Variants in KIAA1217 observed in about 807,000 individuals in gnomAD.
KIAA1217 encodes the protein sickle tail protein homolog.
Under a neutral mutation model 163.9 loss-of-function variants are expected in KIAA1217, and 88 were observed. The observed-to-expected ratio is 0.54, with a 90% CI of 0.45 to 0.64. The LOEUF (loss-of-function observed/expected upper bound fraction) is 0.64, where lower values mean the gene tolerates loss of function less well. Ranked by LOEUF, KIAA1217 falls within the 30% of genes least tolerant of loss-of-function variation. KIAA1217 has a pLI of 0.00. For missense variants in KIAA1217, 2,372 were observed against 2,475.0 expected (o/e 0.96, Z 0.88); for synonymous variants, 903 against 923.1 (o/e 0.98, Z 0.39).
rs543782535 is a variant in KIAA1217, at chr10:24,379,962, GA to G, written c.355-905del. ...AGCTACTTGGGAGGTTGAGGCAGGAGAATTGCTTGAACCCAGGAGGCAGAGG... is the reference window on the plus strand; with the variant it reads ...AGCTACTTGGGAGGTTGAGGCAGGAGATTGCTTGAACCCAGGAGGCAGAGG... On this transcript the variant is annotated intron_variant, in intron 2 of 20. Transcript: ENST00000376454. Among the ~76,000 whole-genome samples, 16 of 152,306 alleles carry G rather than the reference GA, an allele frequency of 1.1e-4. No homozygotes were observed. In the East Asian group the frequency reaches 2.7e-3, roughly 26 times the overall value.
chr10:24,437,978 A>G (rs2060202118), intron 4 of KIAA1217, among the ~76,000 whole-genome samples: 1 of 150,988 alleles, frequency 6.6e-6, no homozygotes, highest in East Asian at 1.9e-4. Flanking sequence ...GCAGCAAACC[A>G]GGTGTTTGGG....
rs1280774151 is a variant in KIAA1217, at chr10:24,089,472, A to C, written c.-171+82098A>C. Among the ~76,000 whole-genome samples the C allele has an allele frequency of 4.8e-5, 6 of 125,464 alleles. 1 individual carries two copies. The highest frequency in any genetic ancestry group is 1.5e-4 in the African/African-American group (6 of 39,884). The allele number at this position is 125,464 out of a possible 152,430, so 82.3% of individuals were successfully genotyped here. The stretch of plus-strand genomic sequence containing the variant: ...TAATCCATCTTGAATTAATTTTTGT[A>C]TAAGGTGTAAGGAAGGGATCCAGTT... On this transcript the variant is annotated intron_variant, in intron 2 of 18. Coordinates refer to the KIAA1217 transcript ENST00000376462.
intron 3 of KIAA1217, among the ~76,000 whole-genome samples, chr10:24,423,614 C>G (rs989017018): frequency 1.3e-5 from 2 of 152,320 alleles, no homozygotes; most frequent in East Asian, 1.9e-4. Flanking sequence ...CATGCACCAC[C>G]ACACCCAGCT....
At chr10:24,270,900 C>G (rs573238499) in intron 2 of KIAA1217, among the ~76,000 whole-genome samples, 2 of 152,270 alleles carry the variant, frequency 1.3e-5, no homozygotes, top group East Asian at 3.9e-4. Context: ...TGTCCCCCCA[C>G]CTATATCATA....
chr10:24,057,828 A>C lies in KIAA1217; in HGVS notation c.-171+50454A>C, dbSNP rs77776087. Among the ~76,000 whole-genome samples, 13 of 152,268 alleles carry C rather than the reference A, an allele frequency of 8.5e-5. No homozygotes were observed. The East Asian group carries it at 2.5e-3, about 29-fold the overall frequency. ...CTTCCCAGCTATATGGGATTCACAC[A>C]TATTTTCTCCCATTCCACAGGTTGC... On this transcript the variant is annotated intron_variant, in intron 2 of 18. Transcript: ENST00000376462.
intron 10 of KIAA1217, among the ~76,000 whole-genome samples, chr10:24,518,953 G>T (rs753582511): frequency 9.2e-5 from 14 of 152,198 alleles, no homozygotes; most frequent in Non-Finnish European, 2.1e-4. Flanking sequence ...CCCACTTCTT[G>T]CAGGGGAGGA....
intron 1 of KIAA1217, among the ~76,000 whole-genome samples, chr10:24,001,322 C>T (rs574385799): frequency 1.3e-5 from 2 of 152,260 alleles, no homozygotes; most frequent in Admixed American, 1.3e-4. Flanking sequence ...CATGAATGAT[C>T]AAACTGAACT....
chr10:24,184,235 G>A (rs990268182), intron 2 of KIAA1217, among the ~76,000 whole-genome samples: 20 of 152,138 alleles, frequency 1.3e-4, no homozygotes, highest in African/African-American at 4.8e-4. Context: ...TTCATTTGTG[G>A]GACTTGAAAT....
chr10:23,914,580 A>G (rs1272330154), intron 1 of KIAA1217, among the ~76,000 whole-genome samples: 3 of 152,118 alleles, frequency 2.0e-5, no homozygotes, highest in Non-Finnish European at 2.9e-5. Flanking sequence ...CTCCCAAAGC[A>G]CTGGGATTAC....
chr10:24,220,754 C>CGT (rs1204074737), intron 2 of KIAA1217, among the ~76,000 whole-genome samples: 2 of 74,204 alleles, frequency 2.7e-5, no homozygotes, highest in Non-Finnish European at 4.8e-5. Flanking sequence ...GCACCCCGGC[C>CGT]TTTTTTTTTT....
intron 3 of KIAA1217, among the ~76,000 whole-genome samples, chr10:24,408,569 G>C (rs572773766): frequency 2.8e-4 from 43 of 152,256 alleles, no homozygotes; most frequent in African/African-American, 9.1e-4. Context: ...CTCATCCCCT[G>C]CCACCCTCCT....
chr10:24,117,711 C>T (rs1269991520), intron 2 of KIAA1217, among the ~76,000 whole-genome samples: 2 of 152,150 alleles, frequency 1.3e-5, no homozygotes, highest in Non-Finnish European at 2.9e-5. Context: ...GTTAAAAAGT[C>T]TCAATCTGTG....
intron 5 of KIAA1217, among the ~76,000 whole-genome samples, chr10:24,443,593 T>G (rs2060677721): frequency 6.6e-6 from 1 of 152,132 alleles, no homozygotes; most frequent in South Asian, 2.1e-4. Context: ...CAGTTAAGTT[T>G]CTCGGGGGTC....
chr10:23,946,584 G>A (rs1225483020), intron 1 of KIAA1217, among the ~76,000 whole-genome samples: 1 of 152,088 alleles, frequency 6.6e-6, no homozygotes, highest in Non-Finnish European at 1.5e-5. Flanking sequence ...GTATGGCACT[G>A]TGTCGAAGTG....
At position 23,806,315 on chromosome 10, in the gene KIAA1217, G is replaced by A. The variant is rs143216818; in HGVS notation, c.-321+111081G>A. On this transcript the variant is annotated intron_variant, in intron 1 of 18. Transcript: ENST00000376462. The stretch of plus-strand genomic sequence containing the variant: ...TATTTAAGACCAAATTAAAAGTGAC[G>A]GATTAACAAATCCAAACTGAAAAAT... Among the ~76,000 whole-genome samples, 12 of 152,048 alleles carry A rather than the reference G, an allele frequency of 7.9e-5. 1 individual carries two copies. In the East Asian group the frequency reaches 1.9e-3, roughly 24 times the overall value.
intron 2 of KIAA1217, among the ~76,000 whole-genome samples, chr10:24,352,712 C>T (rs1361774201): frequency 6.6e-6 from 1 of 151,980 alleles, no homozygotes; most frequent in African/African-American, 2.4e-5. Context: ...GGGAGGGCAT[C>T]GTGATACTTG....
chr10:23,714,338 C>T (rs964182997), intron 1 of KIAA1217, among the ~76,000 whole-genome samples: 1 of 151,870 alleles, frequency 6.6e-6, no homozygotes, highest in East Asian at 1.9e-4. Context: ...AGAAATTGCT[C>T]CCAGGATAGA....
intron 2 of KIAA1217, among the ~76,000 whole-genome samples, chr10:24,071,113 T>A (rs60150091): frequency 0.25 from 38,147 of 152,154 alleles, 9,725 homozygotes; most frequent in African/African-American, 0.66. Flanking sequence ...TTCCCTTAAT[T>A]GATAATTCCC....
chr10:24,012,305 TC>T (rs1847268142), intron 2 of KIAA1217, among the ~76,000 whole-genome samples: 1 of 152,074 alleles, frequency 6.6e-6, no homozygotes, highest in African/African-American at 2.4e-5. Flanking sequence ...AAACCTAGGG[TC>T]TTGGCTCCAC....
Sources: gnomAD v4.1 joint callset for allele counts (sites outside exome capture counted in the v4.1 genomes callset) on GRCh38, gnomAD v4.1.1 for gene constraint, MANE v1.5 for transcripts, NCBI Gene and HGNC (gene_info 2026-07-23, HGNC 2026-07-21) for gene names.